Variants in MCF2L observed in about 807,000 individuals in gnomAD.
The protein encoded by MCF2L is guanine nucleotide exchange factor DBS.
MCF2L carries 97 observed loss-of-function variants against 153.4 expected under a neutral mutation model. The observed-to-expected ratio is 0.63, with a 90% CI of 0.54 to 0.75. MCF2L has a LOEUF of 0.75. Among genes scored for constraint, MCF2L ranks in the 30% least tolerant of loss-of-function variants. The probability of loss-of-function intolerance (pLI) is 0.00; values close to 1 mark genes in which losing one functional copy is unlikely to be tolerated. For missense variants in MCF2L, 1,347 were observed against 1,495.2 expected (o/e 0.90, Z 1.64); for synonymous variants, 659 against 632.2 (o/e 1.04, Z -0.64).
chr13:113,069,806 A>G (rs1009250131), intron 8 of MCF2L, among the ~76,000 whole-genome samples: 11 of 152,220 alleles, frequency 7.2e-5, no homozygotes, highest in Non-Finnish European at 1.2e-4. Flanking sequence ...AGTCGCAGTG[A>G]CCTAGAGGGA....
At position 112,951,190 on chromosome 13, in the gene MCF2L, A is replaced by G. The variant is rs1382466603; in HGVS notation, c.169+48819A>G. Reference sequence around the variant, plus strand: ...ACCCTCAGGAGAGCTAAGATAAAAGATAGTGCCAACTTCGAATGCTGGCAG... The same window carrying G: ...ACCCTCAGGAGAGCTAAGATAAAAGGTAGTGCCAACTTCGAATGCTGGCAG... On this transcript the variant is annotated intron_variant, in intron 2 of 29. Coordinates refer to the MCF2L transcript ENST00000375608. This position sits in a 1 kb window ranked among gnomAD's most constrained non-coding sequence, Gnocchi z 4.8. Among the ~76,000 whole-genome samples, 1 of 152,208 alleles carries G rather than the reference A, an allele frequency of 6.6e-6. No homozygotes were observed. The highest frequency in any genetic ancestry group is 2.4e-5 in the African/African-American group (1 of 41,450).
rs551589794 is a variant in MCF2L, at chr13:113,016,952, T to G, written c.163+2106T>G. Among the ~76,000 whole-genome samples the G allele has an allele frequency of 1.6e-3, 248 of 152,296 alleles. 1 individual carries two copies. Among genetic ancestry groups the G allele is most frequent in the African/African-American group, 5.7e-3 (236 of 41,580 alleles). The stretch of plus-strand genomic sequence containing the variant: ...AGAGGTGCACCCAGCCTCAGAGCCA[T>G]GTACTGAGGGCTCAGCCATGGGCCC... On this transcript the variant is annotated intron_variant, in intron 2 of 29. Coordinates refer to ENST00000535094, the MANE Select transcript of MCF2L (RefSeq NM_001112732.3).
chr13:113,055,914 A>T (rs1401336341), intron 4 of MCF2L, among the ~76,000 whole-genome samples: 1 of 152,140 alleles, frequency 6.6e-6, no homozygotes, highest in East Asian at 1.9e-4. Flanking sequence ...GGCTGGAGAG[A>T]ATGGGTGTGG....
rs958940697 is a variant in MCF2L at position 112,983,422 on chromosome 13, G to T, written c.79+13964G>T. 2.6e-5 allele frequency among the ~76,000 whole-genome samples: 4 copies of T among 152,286 alleles called. No individual in the cohort carries two copies. The highest frequency in any genetic ancestry group is 5.9e-5 in the Non-Finnish European group (4 of 68,020). ...AGGATGAGCCTCCTCCCTTCTATCCGGCAGGTGGCCTTCTCCAGGCATTGC... is the reference window on the plus strand; with the variant it reads ...AGGATGAGCCTCCTCCCTTCTATCCTGCAGGTGGCCTTCTCCAGGCATTGC... On this transcript the variant is annotated intron_variant, in intron 1 of 29. Coordinates refer to ENST00000535094, the MANE Select transcript of MCF2L (RefSeq NM_001112732.3). The surrounding 1 kb of genome is among the most constrained non-coding windows in gnomAD (Gnocchi z 4.0).
chr13:113,033,405 A>C (rs112346022), intron 3 of MCF2L, among the ~76,000 whole-genome samples: 1,394 of 14,804 alleles, frequency 0.094, 6 homozygotes, highest in Non-Finnish European at 0.12. Flanking sequence ...ATGTGAGTGG[A>C]CCCCGTGGCG....
intron 25 of MCF2L, among the ~76,000 whole-genome samples, chr13:113,089,169 G>GCCCC (rs59023747): frequency 2.7e-3 from 177 of 65,944 alleles, no homozygotes; most frequent in East Asian, 3.2e-3. Flanking sequence ...ACACTCCCCC[G>GCCCC]CCCCCCCCCC....
At position 112,969,228 on chromosome 13, in the gene MCF2L, G is replaced by A; in HGVS notation, c.-152G>A. On this transcript the variant is annotated 5_prime_UTR_variant, in exon 1 of 30. Coordinates refer to ENST00000535094, the MANE Select transcript of MCF2L (RefSeq NM_001112732.3). The surrounding 1 kb of genome is among the most constrained non-coding windows in gnomAD (Gnocchi z 4.8). Reference sequence around the variant, plus strand: ...CTCCCGGTGGCGCGGAACCAATCCTGGGCAGGGAGGCGGCGGCTGGAGGCT... The same window carrying A: ...CTCCCGGTGGCGCGGAACCAATCCTAGGCAGGGAGGCGGCGGCTGGAGGCT... 2 of 1,335,190 alleles carry A rather than the reference G, an allele frequency of 1.5e-6. No homozygotes were observed. The highest frequency in any genetic ancestry group is 1.9e-6 in the Non-Finnish European group (2 of 1,034,914). 82.7% of individuals were successfully genotyped at this position (1,335,190 alleles called of 1,614,324 possible).
chr13:113,038,820 A>G (rs2086304153), intron 3 of MCF2L, among the ~76,000 whole-genome samples: 2 of 152,238 alleles, frequency 1.3e-5, no homozygotes, highest in East Asian at 3.8e-4. Context: ...TTGAATCCAG[A>G]CAGACCACAC....
In MCF2L at chr13:112,976,758, G is replaced by A. The variant is rs546933982; in HGVS notation, c.79+7300G>A. 3.9e-5 allele frequency among the ~76,000 whole-genome samples: 6 copies of A among 152,320 alleles called. No individual in the cohort carries two copies. In the South Asian group the frequency reaches 8.3e-4, roughly 21 times the overall value. ...TGAGTGGCCTCTCAGACACCATGGC[G>A]GGAAGACGACAGAGCCGTGAGGAGA... On this transcript the variant is annotated intron_variant, in intron 1 of 29. Coordinates refer to ENST00000535094, the MANE Select transcript of MCF2L (RefSeq NM_001112732.3).
intron 2 of MCF2L, among the ~76,000 whole-genome samples, chr13:112,934,931 G>A (rs149576460): frequency 1.3e-5 from 2 of 152,322 alleles, no homozygotes; most frequent in East Asian, 1.9e-4. Flanking sequence ...TCCTGGACAC[G>A]TTAGTGTTCA....
intron 3 of MCF2L, 147 bp downstream of exon 3, chr13:113,024,905 G>T: frequency 1.5e-6 from 1 of 657,260 alleles, no homozygotes; most frequent in Non-Finnish European, 2.8e-6. Flanking sequence ...TGTGGGTCGG[G>T]GCAGAGTCCC....
intron 3 of MCF2L, among the ~76,000 whole-genome samples, chr13:113,039,122 G>C (rs912771210): frequency 6.6e-6 from 1 of 152,170 alleles, no homozygotes; most frequent in Admixed American, 6.5e-5. Flanking sequence ...GCCTCCCAAA[G>C]TGCTAGGATT....
chr13:113,059,354 G>A (rs1175964368), intron 4 of MCF2L, among the ~76,000 whole-genome samples: 2 of 152,262 alleles, frequency 1.3e-5, no homozygotes, highest in Non-Finnish European at 2.9e-5. Flanking sequence ...ACATTGGAGT[G>A]TGGCTGGGGC....
Position 112,938,596 on chromosome 13 carries a change from C to T in MCF2L, c.169+36225C>T, listed in dbSNP as rs79617350. 7.7e-3 allele frequency among the ~76,000 whole-genome samples: 1,173 copies of T among 152,198 alleles called. 16 individuals carry two copies. Among genetic ancestry groups the T allele is most frequent in the East Asian group, 0.034 (174 of 5,192 alleles). ...CTGAAACTGGGGTGTTAAGAGAAGA[C>T]GCTTTTTCTTTTGTTTTGTTTTTTA... On this transcript the variant is annotated intron_variant, in intron 2 of 29. Transcript: ENST00000375608.
intron 5 of MCF2L, among the ~76,000 whole-genome samples, chr13:113,063,471 A>G (rs1207975960): frequency 1.1e-4 from 16 of 146,472 alleles, no homozygotes; most frequent in African/African-American, 2.9e-4. Flanking sequence ...AGCCGCCCAC[A>G]GCGTTCAGGC....
Position 113,064,962 on chromosome 13 carries a change from G to A in MCF2L, c.633G>A (p.Val211=), listed in dbSNP as rs372151911. 1.5e-5 allele frequency: 24 copies of A among 1,613,038 alleles called. No individual in the cohort carries two copies. The highest frequency in any genetic ancestry group is 2.0e-5 in the Non-Finnish European group (24 of 1,179,982). The change falls in exon 7 of 30, where the codon GTG becomes GTA. Residue 211 remains valine, a synonymous_variant. Transcript: ENST00000535094. This position sits in a 1 kb window ranked among gnomAD's most constrained non-coding sequence, Gnocchi z 6.0. The part of the protein sequence containing the change: ...RTAIESFALM[V]KQTAQMLQSF... The stretch of plus-strand genomic sequence containing the variant: ...CCATCGAAAGTTTCGCCCTCATGGT[G>A]AAGCAGACGGCTCAGATGCTGCAGT...
chr13:112,944,038 G>A (rs1273598238), intron 2 of MCF2L, among the ~76,000 whole-genome samples: 1 of 143,970 alleles, frequency 6.9e-6, no homozygotes, highest in Non-Finnish European at 1.5e-5. Flanking sequence ...ATCCTAGGCC[G>A]TGAGGGGAGG....
chr13:113,052,014 A>G (rs923080806), intron 4 of MCF2L, among the ~76,000 whole-genome samples: 1 of 152,162 alleles, frequency 6.6e-6, no homozygotes, highest in African/African-American at 2.4e-5. Context: ...GAACATTCCA[A>G]CCACACCAAA....
At position 113,065,152 on chromosome 13, in the gene MCF2L, C is replaced by G. The variant is rs777450910; in HGVS notation, c.756+67C>G. On this transcript the variant is annotated intron_variant, in intron 7 of 29. Transcript: ENST00000535094. ...GGTCAGTCAGAAGCTGCGCGGGGCT[C>G]CGGTCGGAAGCTGCGGGGGGTCTTT... 5.6e-5 allele frequency: 88 copies of G among 1,574,168 alleles called. No homozygotes were observed. The Middle Eastern group carries it at 1.2e-3, about 21-fold the overall frequency.
Sources: gnomAD v4.1 joint callset for allele counts (sites outside exome capture counted in the v4.1 genomes callset) on GRCh38, gnomAD v4.1.1 for gene constraint, Gnocchi (gnomAD v3.1) non-coding constraint, MANE v1.5 for transcripts, NCBI Gene and HGNC (gene_info 2026-07-23, HGNC 2026-07-21) for gene names.